PTPRD: variants seen among roughly 807,000 people sequenced by gnomAD.
PTPRD encodes the protein receptor-type tyrosine-protein phosphatase delta.
A neutral mutation model predicts 214.5 loss-of-function variants in PTPRD; 34 were observed. The observed-to-expected ratio is 0.16, with a 90% CI of 0.12 to 0.21. The LOEUF is 0.21. PTPRD is among the 10% of genes least tolerant of loss of function. PTPRD has a pLI of 1.00. For missense variants in PTPRD, 2,545 were observed against 2,398.7 expected, an observed-to-expected ratio of 1.06 and a Z score of -1.27; for synonymous variants, 1,128 against 845.7, an observed-to-expected ratio of 1.33 and a Z score of -5.79.
At chr9:10,528,230 C>A (rs903446932) in intron 2 of PTPRD, among the ~76,000 whole-genome samples, 2 of 152,142 alleles carry the variant, frequency 1.3e-5, no homozygotes, top group African/African-American at 4.8e-5. Context: ...AACATGGATG[C>A]TCCAGGCAGA....
At chr9:10,330,635 T>C (rs1367123579) in intron 3 of PTPRD, among the ~76,000 whole-genome samples, 1 of 151,222 alleles carries the variant, frequency 6.6e-6, no homozygotes, top group East Asian at 1.9e-4. Context: ...CCTAAATGGT[T>C]TGAAGTAAGA....
At chr9:8,664,061 T>C (rs2097123960) in intron 12 of PTPRD, among the ~76,000 whole-genome samples, 1 of 152,172 alleles carries the variant, frequency 6.6e-6, no homozygotes, top group Non-Finnish European at 1.5e-5. Context: ...CGAGAGGATA[T>C]TAACTTTTAT....
At chr9:10,270,950 C>T (rs1394620727) in intron 3 of PTPRD, among the ~76,000 whole-genome samples, 1 of 152,040 alleles carries the variant, frequency 6.6e-6, no homozygotes, top group Non-Finnish European at 1.5e-5. Flanking sequence ...CCTTCCTCAG[C>T]CTCCCAGGAC....
At chr9:10,078,453 T>C (rs997948541) in intron 3 of PTPRD, among the ~76,000 whole-genome samples, 7 of 140,512 alleles carry the variant, frequency 5.0e-5, no homozygotes, top group Non-Finnish European at 7.5e-5. Context: ...GAGGTGGAGC[T>C]CGTAGTGAGC....
chr9:9,100,008 A>C (rs1416984433), intron 10 of PTPRD, among the ~76,000 whole-genome samples: 3 of 152,224 alleles, frequency 2.0e-5, no homozygotes, highest in Admixed American at 2.0e-4. Flanking sequence ...GCTTTAAAGA[A>C]ATACTTCTAA....
chr9:8,476,133 C>T (rs998152854), intron 30 of PTPRD, among the ~76,000 whole-genome samples: 1 of 152,006 alleles, frequency 6.6e-6, no homozygotes, highest in Non-Finnish European at 1.5e-5. Flanking sequence ...TTTTTGGCAC[C>T]AAGGACTGAT....
intron 5 of PTPRD, among the ~76,000 whole-genome samples, chr9:9,814,326 C>T (rs1312859942): frequency 8.1e-5 from 12 of 148,666 alleles, no homozygotes; most frequent in Non-Finnish European, 1.6e-4. Flanking sequence ...AAAAAGCATC[C>T]AAATCAGAAA....
At chr9:10,360,090 T>A (rs2097349517) in intron 2 of PTPRD, among the ~76,000 whole-genome samples, 1 of 152,224 alleles carries the variant, frequency 6.6e-6, no homozygotes, top group South Asian at 2.1e-4. Flanking sequence ...GAGTTCTATA[T>A]AACTATTGTC....
In PTPRD at chr9:8,969,025, T is replaced by C. The variant is rs1048796753; in HGVS notation, c.-104+49672A>G. 2.0e-5 allele frequency among the ~76,000 whole-genome samples: 3 copies of C among 152,080 alleles called. No homozygotes were observed. The South Asian group carries it at 6.2e-4, about 32-fold the overall frequency. Reference sequence around the variant, plus strand: ...CAAGTCCGATTAATTAAGAAGAAGATAGCAACTCGATTAAAAAATAAGCAA... The same window carrying C: ...CAAGTCCGATTAATTAAGAAGAAGACAGCAACTCGATTAAAAAATAAGCAA... On this transcript the variant is annotated intron_variant, in intron 11 of 45. Coordinates refer to ENST00000381196, the MANE Select transcript of PTPRD (RefSeq NM_002839.4).
intron 10 of PTPRD, among the ~76,000 whole-genome samples, chr9:9,078,601 T>C (rs911588416): frequency 1.3e-5 from 2 of 152,050 alleles, no homozygotes; most frequent in Admixed American, 6.6e-5. Flanking sequence ...CCTTAGATTG[T>C]GTTCTCCAGA....
intron 5 of PTPRD, chr9:9,800,512 G>T (rs1002612636): frequency 1.3e-5 from 2 of 152,124 alleles, no homozygotes; most frequent in Admixed American, 6.5e-5. Flanking sequence ...GATTTTAAAA[G>T]ATCCTTTAAT....
intron 9 of PTPRD, among the ~76,000 whole-genome samples, chr9:9,210,936 T>C (rs907630508): frequency 6.6e-6 from 1 of 151,972 alleles, no homozygotes. Context: ...ATTTCTTAAT[T>C]ATTATTTTTA....
intron 10 of PTPRD, among the ~76,000 whole-genome samples, chr9:9,137,491 A>G (rs1268959510): frequency 6.6e-6 from 1 of 152,148 alleles, no homozygotes; most frequent in Non-Finnish European, 1.5e-5. Flanking sequence ...CTGAATGAAG[A>G]GATATATAAC....
At chr9:9,993,533 A>G (rs754676313) in intron 4 of PTPRD, among the ~76,000 whole-genome samples, 1 of 152,200 alleles carries the variant, frequency 6.6e-6, no homozygotes, top group Non-Finnish European at 1.5e-5. Context: ...TATAAAGTTG[A>G]GGATGCCAAA....
At chr9:9,990,083 A>T (rs921383083) in intron 4 of PTPRD, among the ~76,000 whole-genome samples, 1 of 152,140 alleles carries the variant, frequency 6.6e-6, no homozygotes, top group African/African-American at 2.4e-5. Flanking sequence ...GAGCTATGCC[A>T]CTTACAGGGG....
chr9:9,629,451 A>T (rs1465631745), intron 7 of PTPRD, among the ~76,000 whole-genome samples: 1 of 152,066 alleles, frequency 6.6e-6, no homozygotes, highest in Non-Finnish European at 1.5e-5. Flanking sequence ...CTGTCTTTGA[A>T]TCTTTATTAC....
At position 9,413,100 on chromosome 9, in the gene PTPRD, C is replaced by CTTTTTTTTTT. The variant is rs5896325; in HGVS notation, c.-236-15628_-236-15619dup. Among the ~76,000 whole-genome samples the CTTTTTTTTTT allele has an allele frequency of 2.2e-3, 136 of 63,026 alleles. 17 individuals are homozygous for CTTTTTTTTTT. Among genetic ancestry groups the CTTTTTTTTTT allele is most frequent in the African/African-American group, 7.2e-3 (105 of 14,608 alleles). The allele number at this position is 63,026 out of a possible 152,430, so 41.3% of individuals were successfully genotyped here. On this transcript the variant is annotated intron_variant, in intron 8 of 45. Transcript: ENST00000381196. ...CAAGTTATAAAATATCTTGCAGCTT[C>CTTTTTTTTTT]TTTTTTTTTTTTTTTTTTTTTTTTT...
At chr9:10,221,701 AT>A (rs2099571689) in intron 3 of PTPRD, among the ~76,000 whole-genome samples, 1 of 151,870 alleles carries the variant, frequency 6.6e-6, no homozygotes, top group Non-Finnish European at 1.5e-5. Context: ...TACATCCACA[AT>A]TTTTTACCAA....
chr9:9,826,356 G>C (rs945724929), intron 5 of PTPRD, among the ~76,000 whole-genome samples: 1 of 151,436 alleles, frequency 6.6e-6, no homozygotes, highest in Non-Finnish European at 1.5e-5. Flanking sequence ...GATTAATGTT[G>C]CTCATTATTG....
Sources: gnomAD v4.1 joint callset for allele counts (sites outside exome capture counted in the v4.1 genomes callset) on GRCh38, gnomAD v4.1.1 for gene constraint, MANE v1.5 for transcripts, NCBI Gene and HGNC (gene_info 2026-07-23, HGNC 2026-07-21) for gene names.